Variants in DPP6 observed in about 807,000 individuals in gnomAD.
DPP6 encodes dipeptidyl peptidase like 6.
DPP6 carries 69 observed loss-of-function variants against 122.6 expected under a neutral mutation model. That is an observed-to-expected ratio of 0.56 (90% CI 0.46 to 0.69). The LOEUF (loss-of-function observed/expected upper bound fraction) is 0.69. Ranked by LOEUF, DPP6 falls within the 30% of genes least tolerant of loss-of-function variation. The pLI, the probability that DPP6 is intolerant of heterozygous loss-of-function variation, is 0.00. For missense variants in DPP6, 928 were observed against 1,116.9 expected (o/e 0.83, Z 2.41); for synonymous variants, 418 against 433.1 (o/e 0.97, Z 0.43).
At chr7:154,408,037 G>A (rs73726867) in intron 1 of DPP6, among the ~76,000 whole-genome samples, 13,385 of 152,230 alleles carry the variant, frequency 0.088, 667 homozygotes, top group East Asian at 0.12. Flanking sequence ...TACTGAGTGC[G>A]CAAGAGGTAT....
the DPP6 span, among the ~76,000 whole-genome samples, chr7:153,750,331 T>G: frequency 4.6e-5 from 7 of 150,656 alleles, no homozygotes; most frequent in Admixed American, 4.6e-4. Flanking sequence ...TTACTTAATA[T>G]CTACAGGAAA....
the DPP6 span, among the ~76,000 whole-genome samples, chr7:153,822,033 G>A: frequency 2.2e-3 from 331 of 152,046 alleles, 2 homozygotes; most frequent in South Asian, 0.022. Flanking sequence ...TGTGGCTCAC[G>A]GGTTTGCCAT....
At chr7:154,817,416 T>C (rs893378577) in intron 16 of DPP6, among the ~76,000 whole-genome samples, 2 of 152,154 alleles carry the variant, frequency 1.3e-5, no homozygotes, top group African/African-American at 4.8e-5. Flanking sequence ...TATGATGTCA[T>C]GAACATTATG....
chr7:154,768,578 C>G (rs966438552), intron 8 of DPP6, among the ~76,000 whole-genome samples: 1 of 152,178 alleles, frequency 6.6e-6, no homozygotes, highest in African/African-American at 2.4e-5. Flanking sequence ...AATGGGTTCT[C>G]TGACTGGTTA....
chr7:153,898,343 T>C (rs1366410612), intron 1 of DPP6, among the ~76,000 whole-genome samples: 4 of 152,112 alleles, frequency 2.6e-5, no homozygotes, highest in African/African-American at 7.2e-5. Flanking sequence ...TCCCAGCTAC[T>C]TGGGAGGCTT....
chr7:154,799,670 C>T (rs1278436203), intron 12 of DPP6, among the ~76,000 whole-genome samples: 1 of 152,198 alleles, frequency 6.6e-6, no homozygotes, highest in Non-Finnish European at 1.5e-5. Context: ...CACAAAGAAG[C>T]TCTCATGAGT....
chr7:154,876,390 G>A (rs958565446), intron 20 of DPP6: 2 of 369,330 alleles, frequency 5.4e-6, no homozygotes. Context: ...TCTGCGCTGT[G>A]GTCACTGACC....
rs146975024 is a variant in DPP6 at position 154,888,703 on chromosome 7, A to G, written c.2305-569A>G. 2.4e-3 allele frequency among the ~76,000 whole-genome samples: 363 copies of G among 152,262 alleles called. 4 individuals carry two copies. The highest frequency in any genetic ancestry group is 8.2e-3 in the African/African-American group (339 of 41,550). Reference sequence around the variant, plus strand: ...CCCTCCTCTTCCAAAAAGGGAGTTAATGTGGGGGAAAGCTGGGTGTGGTAT... The same window carrying G: ...CCCTCCTCTTCCAAAAAGGGAGTTAGTGTGGGGGAAAGCTGGGTGTGGTAT... On this transcript the variant is annotated intron_variant, in intron 23 of 25. Coordinates refer to ENST00000377770, the MANE Select transcript of DPP6 (RefSeq NM_130797.4).
At chr7:154,056,481 CTTTTTAGT>C (rs1800827079) in intron 1 of DPP6, among the ~76,000 whole-genome samples, 1 of 152,000 alleles carries the variant, frequency 6.6e-6, no homozygotes, top group Non-Finnish European at 1.5e-5. Flanking sequence ...TTGAACATTT[CTTTTTAGT>C]TTTTTAAAGG....
At chr7:154,626,537 A>C (rs1184251383) in intron 5 of DPP6, among the ~76,000 whole-genome samples, 1 of 152,244 alleles carries the variant, frequency 6.6e-6, no homozygotes, top group Non-Finnish European at 1.5e-5. Context: ...ACAACTAGGG[A>C]TTGATCAGAA....
chr7:154,408,165 G>C (rs1389103006), intron 1 of DPP6, among the ~76,000 whole-genome samples: 1 of 152,134 alleles, frequency 6.6e-6, no homozygotes, highest in Non-Finnish European at 1.5e-5. Flanking sequence ...ATTTACTAAT[G>C]TTTCAAGGTA....
chr7:154,473,638 T>G (rs895024455), intron 2 of DPP6, among the ~76,000 whole-genome samples: 1 of 152,234 alleles, frequency 6.6e-6, no homozygotes, highest in African/African-American at 2.4e-5. Flanking sequence ...GATTATTTAT[T>G]CCTATTTGTT....
intron 16 of DPP6, among the ~76,000 whole-genome samples, chr7:154,815,027 G>A (rs549347681): frequency 3.5e-4 from 53 of 152,180 alleles, no homozygotes; most frequent in African/African-American, 1.2e-3. Flanking sequence ...ACTTTTGGGG[G>A]GACACCATTA....
chr7:153,870,471 A>T, the DPP6 span, among the ~76,000 whole-genome samples: 2,698 of 152,282 alleles, frequency 0.018, 27 homozygotes, highest in Non-Finnish European at 0.027. Context: ...CATTCATCAC[A>T]TAATTCTCGT....
rs1823838339 is a variant in DPP6, at chr7:154,486,806, C to G, written c.457+11769C>G. On this transcript the variant is annotated intron_variant, in intron 3 of 25. Transcript: ENST00000377770. The surrounding 1 kb of genome is among the most constrained non-coding windows in gnomAD (Gnocchi z 4.5). The stretch of plus-strand genomic sequence containing the variant: ...CCGATTTCTTCCACACCACGCTGGT[C>G]CCTTCCAGAGGTGCTGTAGGTCCTC... Among the ~76,000 whole-genome samples the G allele has an allele frequency of 1.3e-5, 2 of 152,146 alleles. No individual in the cohort carries two copies. Among genetic ancestry groups the G allele is most frequent in the African/African-American group, 4.8e-5 (2 of 41,440 alleles).
At position 153,926,051 on chromosome 7, in the gene DPP6, C is replaced by T. The variant is rs184003787; in HGVS notation, c.51+38317C>T. 2.0e-4 allele frequency among the ~76,000 whole-genome samples: 31 copies of T among 152,264 alleles called. No homozygotes were observed. The East Asian group carries it at 5.8e-3, about 29-fold the overall frequency. On this transcript the variant is annotated intron_variant, in intron 1 of 25. Transcript: ENST00000404039. Reference sequence around the variant, plus strand: ...GTTAGGGAACAGTTCACCACAGCATCCTTCCACGTCCTCTCTCCAGGTGAA... The same window carrying T: ...GTTAGGGAACAGTTCACCACAGCATTCTTCCACGTCCTCTCTCCAGGTGAA...
At chr7:154,687,595 CAA>C in intron 7 of DPP6, among the ~76,000 whole-genome samples, 1 of 152,218 alleles carries the variant, frequency 6.6e-6, no homozygotes, top group East Asian at 1.9e-4. Flanking sequence ...ATTTAAGATT[CAA>C]TTATTTGTCA....
chr7:154,527,989 TG>T lies in DPP6; in HGVS notation c.458-12542del, dbSNP rs571277764. Among the ~76,000 whole-genome samples the T allele has an allele frequency of 3.9e-3, 585 of 150,380 alleles. 12 individuals are homozygous for T. Among genetic ancestry groups the T allele is most frequent in the Admixed American group, 0.031 (471 of 15,122 alleles). On this transcript the variant is annotated intron_variant, in intron 3 of 25. Transcript: ENST00000377770. ...ATAATTTGTTATTGTTATATCAGTT[TG>T]AAAAAAAAAACAAAAAAGGAATCAT...
rs894783511 is a variant in DPP6 at position 154,869,163 on chromosome 7, A to G, written c.1813+1070A>G. Among the ~76,000 whole-genome samples, 6 of 152,164 alleles carry G rather than the reference A, an allele frequency of 3.9e-5. 1 individual carries two copies. Among genetic ancestry groups the G allele is most frequent in the Admixed American group, 3.9e-4 (6 of 15,272 alleles). ...AGGAGCCACACACCTTGCGTTTGCCATCCCTAGACCGTCTCTGGAACCTCT... is the reference window on the plus strand; with the variant it reads ...AGGAGCCACACACCTTGCGTTTGCCGTCCCTAGACCGTCTCTGGAACCTCT... On this transcript the variant is annotated intron_variant, in intron 18 of 25. Coordinates refer to ENST00000377770, the MANE Select transcript of DPP6 (RefSeq NM_130797.4).
Sources: allele counts gnomAD v4.1 joint callset (sites outside exome capture counted in the v4.1 genomes callset), GRCh38; gene constraint gnomAD v4.1.1; non-coding constraint Gnocchi (gnomAD v3.1); transcripts MANE v1.5; gene names NCBI Gene and HGNC (gene_info 2026-07-23, HGNC 2026-07-21).